SLC9A9: variants seen among roughly 807,000 people sequenced by gnomAD.
The protein encoded by SLC9A9 is solute carrier family 9 member A9, also known as sodium/hydrogen exchanger 9.
SLC9A9 carries 62 observed loss-of-function variants against 77.8 expected under a neutral mutation model. The observed-to-expected ratio is 0.80, with a 90% CI of 0.65 to 0.98. SLC9A9 has a LOEUF of 0.98. Among genes scored for constraint, SLC9A9 ranks in the 50% least tolerant of loss-of-function variants. The probability of loss-of-function intolerance (pLI) is 0.00; values close to 1 mark genes in which losing one functional copy is unlikely to be tolerated. For synonymous variants in SLC9A9, 320 were observed against 283.5 expected (o/e 1.13, Z -1.29); for missense variants, 775 against 774.9 (o/e 1.00, Z 0.00).
intron 13 of SLC9A9, among the ~76,000 whole-genome samples, chr3:143,375,662 A>G (rs189951109): frequency 6.6e-6 from 1 of 152,222 alleles, no homozygotes; most frequent in African/African-American, 2.4e-5. Context: ...CCTAGCTCAG[A>G]TCAGCAGTTA....
chr3:143,325,201 AC>A (rs1350818469), intron 14 of SLC9A9, among the ~76,000 whole-genome samples: 1 of 151,782 alleles, frequency 6.6e-6, no homozygotes, highest in African/African-American at 2.4e-5. Context: ...CATGTCACTT[AC>A]CCTCCCTCGA....
intron 9 of SLC9A9, among the ~76,000 whole-genome samples, chr3:143,500,345 C>T (rs73008900): frequency 0.031 from 4,671 of 152,092 alleles, 234 homozygotes; most frequent in African/African-American, 0.11. Flanking sequence ...TGTTACTTTT[C>T]TTATTCTTGA....
At chr3:143,316,103 T>C (rs560628925) in intron 14 of SLC9A9, among the ~76,000 whole-genome samples, 2 of 152,142 alleles carry the variant, frequency 1.3e-5, no homozygotes, top group East Asian at 3.9e-4. Flanking sequence ...GGATGGGGAG[T>C]TGGAGGGCTT....
intron 14 of SLC9A9, among the ~76,000 whole-genome samples, chr3:143,284,642 G>A (rs1938327916): frequency 6.6e-6 from 1 of 152,022 alleles, no homozygotes; most frequent in Non-Finnish European, 1.5e-5. Context: ...AACTCAACCT[G>A]AGTCTTAGGA....
chr3:143,381,926 T>A (rs2033312753), intron 13 of SLC9A9, 134 bp downstream of exon 13: 1 of 1,000,584 alleles, frequency 1.0e-6, no homozygotes, highest in East Asian at 2.4e-5. Context: ...TTTATTGTAA[T>A]CTCATTTGTT....
chr3:143,758,299 G>T (rs556333614), intron 4 of SLC9A9, among the ~76,000 whole-genome samples: 1 of 152,256 alleles, frequency 6.6e-6, no homozygotes, highest in East Asian at 1.9e-4. Flanking sequence ...TAGTTAATAT[G>T]CCTATTATAT....
intron 6 of SLC9A9, among the ~76,000 whole-genome samples, chr3:143,628,779 C>T (rs558299232): frequency 6.6e-6 from 1 of 152,214 alleles, no homozygotes; most frequent in Non-Finnish European, 1.5e-5. Flanking sequence ...AATTAGAAGA[C>T]ATTTTGTCAA....
chr3:143,570,204 C>T (rs549022463), intron 8 of SLC9A9, among the ~76,000 whole-genome samples: 4 of 152,166 alleles, frequency 2.6e-5, no homozygotes, highest in East Asian at 3.9e-4. Context: ...TAACAAAGGG[C>T]ATAAACTGGT....
At chr3:143,344,608 C>T (rs1378721973) in intron 14 of SLC9A9, 1 of 152,144 alleles carries the variant, frequency 6.6e-6, no homozygotes, top group Non-Finnish European at 1.5e-5. Flanking sequence ...AGGCATTAGT[C>T]CATTTGGACC....
At chr3:143,443,116 A>G (rs1031694565) in intron 12 of SLC9A9, among the ~76,000 whole-genome samples, 3 of 142,502 alleles carry the variant, frequency 2.1e-5, no homozygotes, top group African/African-American at 7.5e-5. Context: ...ACATTAAGGT[A>G]TGGTATAAAA....
intron 4 of SLC9A9, among the ~76,000 whole-genome samples, chr3:143,724,890 C>G (rs1243278404): frequency 1.3e-5 from 2 of 152,056 alleles, no homozygotes; most frequent in Non-Finnish European, 2.9e-5. Context: ...GCCAGGAGAG[C>G]CTTTCAGTGT....
intron 4 of SLC9A9, among the ~76,000 whole-genome samples, chr3:143,743,969 A>C (rs1935143315): frequency 6.6e-6 from 1 of 152,192 alleles, no homozygotes; most frequent in African/African-American, 2.4e-5. Flanking sequence ...AAGCCCCTAG[A>C]GGCAGAAATT....
At chr3:143,530,953 C>A (rs72999706) in intron 9 of SLC9A9, among the ~76,000 whole-genome samples, 2 of 152,024 alleles carry the variant, frequency 1.3e-5, no homozygotes, top group East Asian at 1.9e-4. Flanking sequence ...GCTTGAACTG[C>A]GAGATATAAT....
At chr3:143,802,719 A>G (rs1022310827) in intron 2 of SLC9A9, among the ~76,000 whole-genome samples, 3 of 152,150 alleles carry the variant, frequency 2.0e-5, no homozygotes, top group Non-Finnish European at 2.9e-5. Flanking sequence ...TCAATCTTCA[A>G]GAAAGGTAGA....
chr3:143,269,318 G>A (rs1356533041), intron 14 of SLC9A9, among the ~76,000 whole-genome samples: 1 of 152,154 alleles, frequency 6.6e-6, no homozygotes, highest in East Asian at 1.9e-4. Flanking sequence ...ATAAAAGATT[G>A]TATTTTCTTA....
intron 11 of SLC9A9, among the ~76,000 whole-genome samples, chr3:143,488,685 T>A (rs1035150883): frequency 6.6e-6 from 1 of 151,774 alleles, no homozygotes; most frequent in African/African-American, 2.4e-5. Flanking sequence ...CATCATTTGA[T>A]AAAATTTAAC....
At chr3:143,677,184 A>G (rs1224953773) in intron 5 of SLC9A9, among the ~76,000 whole-genome samples, 5 of 152,190 alleles carry the variant, frequency 3.3e-5, no homozygotes, top group Admixed American at 3.3e-4. Context: ...AAAAAAAAGC[A>G]CTTTCTGTGC....
At chr3:143,441,472 A>C (rs921799000) in intron 12 of SLC9A9, among the ~76,000 whole-genome samples, 4 of 152,214 alleles carry the variant, frequency 2.6e-5, no homozygotes, top group African/African-American at 9.7e-5. Flanking sequence ...TCACTTTCTT[A>C]CTAGACATTG....
intron 14 of SLC9A9, among the ~76,000 whole-genome samples, chr3:143,288,896 C>T (rs1009776913): frequency 6.6e-6 from 1 of 152,108 alleles, no homozygotes; most frequent in African/African-American, 2.4e-5. Flanking sequence ...GCTCTAATAC[C>T]CTCTTACCTA....
Sources: gnomAD v4.1 joint callset for allele counts (sites outside exome capture counted in the v4.1 genomes callset) on GRCh38, gnomAD v4.1.1 for gene constraint, MANE v1.5 for transcripts, NCBI Gene and HGNC (gene_info 2026-07-23, HGNC 2026-07-21) for gene names.